FAF1: variants seen among roughly 807,000 people sequenced by gnomAD.
FAF1 encodes Fas associated factor 1.
A neutral mutation model predicts 92.5 loss-of-function variants in FAF1; 25 were observed. The observed-to-expected ratio is 0.27, with a 90% CI of 0.20 to 0.38. The LOEUF (loss-of-function observed/expected upper bound fraction) is 0.38. Ranked by LOEUF, FAF1 falls within the 10% of genes least tolerant of loss-of-function variation. The pLI, the probability that FAF1 is intolerant of heterozygous loss-of-function variation, is 1.00. For synonymous variants in FAF1, 234 were observed against 273.2 expected (o/e 0.86, Z 1.42); for missense variants, 636 against 793.3 (o/e 0.80, Z 2.38).
intron 1 of FAF1, among the ~76,000 whole-genome samples, chr1:50,954,520 TA>T (rs1645247975): frequency 7.4e-6 from 1 of 135,486 alleles, no homozygotes; most frequent in Non-Finnish European, 1.6e-5. Context: ...TCTAAAACAA[TA>T]AAAAAATAAA....
chr1:50,867,822 T>C (rs1644494922), intron 1 of FAF1, among the ~76,000 whole-genome samples: 1 of 152,146 alleles, frequency 6.6e-6, no homozygotes, highest in Admixed American at 6.5e-5. Context: ...AGCAATCCCA[T>C]TCCTGGGTAC....
chr1:50,676,189 C>T (rs1004034486), intron 7 of FAF1, among the ~76,000 whole-genome samples: 5 of 152,028 alleles, frequency 3.3e-5, no homozygotes, highest in African/African-American at 1.2e-4. Flanking sequence ...AGCAGATCAC[C>T]TCAGGTCAGG....
chr1:50,889,287 C>T (rs1644698573), intron 1 of FAF1, among the ~76,000 whole-genome samples: 1 of 152,106 alleles, frequency 6.6e-6, no homozygotes, highest in Non-Finnish European at 1.5e-5. Flanking sequence ...AGCAGTCTAT[C>T]AATTTTGCTG....
At chr1:50,778,346 G>T (rs1050987961) in intron 4 of FAF1, among the ~76,000 whole-genome samples, 1 of 151,888 alleles carries the variant, frequency 6.6e-6, no homozygotes, top group Admixed American at 6.6e-5. Context: ...TGGTTCCAAG[G>T]GTATAAATTT....
At chr1:50,642,843 T>G (rs1557451736) in intron 8 of FAF1, among the ~76,000 whole-genome samples, 2 of 152,110 alleles carry the variant, frequency 1.3e-5, no homozygotes, top group African/African-American at 4.8e-5. Context: ...TGTTTTCTTT[T>G]TTGTTGTTGT....
At chr1:50,832,047 G>A (rs1644159998) in intron 2 of FAF1, among the ~76,000 whole-genome samples, 1 of 151,938 alleles carries the variant, frequency 6.6e-6, no homozygotes, top group Non-Finnish European at 1.5e-5. Context: ...ATCACCCCCA[G>A]ATGGGACCAT....
intron 18 of FAF1, among the ~76,000 whole-genome samples, chr1:50,441,907 A>C (rs1646170810): frequency 6.6e-6 from 1 of 151,592 alleles, no homozygotes. Context: ...GACTACAGCT[A>C]AGCCTTTGGG....
intron 1 of FAF1, among the ~76,000 whole-genome samples, chr1:50,959,230 A>G (rs1412011845): frequency 6.6e-6 from 1 of 152,310 alleles, no homozygotes; most frequent in East Asian, 1.9e-4. Context: ...CTTACCCTCC[A>G]AAGATTCCAA....
At chr1:50,641,463 GTTT>G (rs1160271721) in intron 8 of FAF1, among the ~76,000 whole-genome samples, 2 of 151,978 alleles carry the variant, frequency 1.3e-5, no homozygotes, top group African/African-American at 4.8e-5. Flanking sequence ...AAAATAGTAT[GTTT>G]TTTATTTCAA....
intron 1 of FAF1, among the ~76,000 whole-genome samples, chr1:50,940,022 T>C (rs1645118550): frequency 6.6e-6 from 1 of 152,206 alleles, no homozygotes; most frequent in African/African-American, 2.4e-5. Flanking sequence ...GTAATTCTCG[T>C]GCCTCAGCCT....
chr1:50,764,256 C>T (rs1427847600), intron 4 of FAF1, among the ~76,000 whole-genome samples: 1 of 152,096 alleles, frequency 6.6e-6, no homozygotes, highest in Non-Finnish European at 1.5e-5. Flanking sequence ...GGTCTCAGTA[C>T]TAACTGTACC....
intron 15 of FAF1, among the ~76,000 whole-genome samples, chr1:50,497,098 C>T (rs964902793): frequency 2.6e-5 from 4 of 151,588 alleles, no homozygotes; most frequent in Non-Finnish European, 5.9e-5. Flanking sequence ...AGAAACTACA[C>T]CAAGGCACAT....
chr1:50,634,376 C>T (rs1569634056), intron 8 of FAF1, among the ~76,000 whole-genome samples: 1 of 152,144 alleles, frequency 6.6e-6, no homozygotes, highest in African/African-American at 2.4e-5. Flanking sequence ...ACTTAATAAG[C>T]TGGACTACTA....
intron 4 of FAF1, among the ~76,000 whole-genome samples, chr1:50,758,684 T>G: frequency 6.6e-6 from 1 of 152,166 alleles, no homozygotes; most frequent in South Asian, 2.1e-4. Context: ...TACTTTAACA[T>G]CTCTTATAGC....
At chr1:50,889,673 T>C (rs1233614013) in intron 1 of FAF1, among the ~76,000 whole-genome samples, 2 of 152,208 alleles carry the variant, frequency 1.3e-5, no homozygotes, top group Non-Finnish European at 2.9e-5. Flanking sequence ...AGTTGAGCAG[T>C]TTTGAGTGAG....
chr1:50,761,194 C>T (rs1660312044), intron 4 of FAF1, among the ~76,000 whole-genome samples: 2 of 152,296 alleles, frequency 1.3e-5, no homozygotes, highest in South Asian at 2.1e-4. Flanking sequence ...AGGCAATAAT[C>T]AATAGCTTAC....
chr1:50,497,170 A>C (rs541386094), intron 15 of FAF1, among the ~76,000 whole-genome samples: 3 of 152,302 alleles, frequency 2.0e-5, no homozygotes, highest in South Asian at 4.1e-4. Flanking sequence ...GGAGAAAAGA[A>C]AAGACATAAT....
At chr1:50,822,597 T>C (rs1644052696) in intron 2 of FAF1, among the ~76,000 whole-genome samples, 1 of 152,166 alleles carries the variant, frequency 6.6e-6, no homozygotes, top group South Asian at 2.1e-4. Context: ...CTCTCTTCCT[T>C]CTGCTCACTG....
chr1:50,920,256 C>T (rs1490024025), intron 1 of FAF1, among the ~76,000 whole-genome samples: 2 of 150,622 alleles, frequency 1.3e-5, no homozygotes, highest in Non-Finnish European at 3.0e-5. Flanking sequence ...GAGCCAAGAT[C>T]GCGCCACCAC....
Sources: allele counts gnomAD v4.1 joint callset (sites outside exome capture counted in the v4.1 genomes callset), GRCh38; gene constraint gnomAD v4.1.1; transcripts MANE v1.5; gene names NCBI Gene and HGNC (gene_info 2026-07-23, HGNC 2026-07-21).